The following SYT11 variants were observed in gnomAD, a reference collection of about 807,000 sequenced individuals.
The protein encoded by SYT11 is synaptotagmin-11.
A neutral mutation model predicts 30.4 loss-of-function variants in SYT11; 12 were observed. That is an observed-to-expected ratio of 0.39 (90% CI 0.25 to 0.64). SYT11 has a LOEUF of 0.64. Among genes scored for constraint, SYT11 ranks in the 30% least tolerant of loss-of-function variants. SYT11 has a pLI of 0.45. For synonymous variants in SYT11, 204 were observed against 216.0 expected, an observed-to-expected ratio of 0.94 and a Z score of 0.49; for missense variants, 412 against 552.0, an observed-to-expected ratio of 0.75 and a Z score of 2.54.
chr1:155,865,760 C>G (rs571745954), intron 1 of SYT11, among the ~76,000 whole-genome samples: 10 of 152,106 alleles, frequency 6.6e-5, no homozygotes, highest in East Asian at 5.8e-4. Context: ...TCACTGCAAC[C>G]TCCACCTCCT....
At chr1:155,867,375 T>A (rs1320697364) in intron 1 of SYT11, among the ~76,000 whole-genome samples, 1 of 152,128 alleles carries the variant, frequency 6.6e-6, no homozygotes, top group Non-Finnish European at 1.5e-5. Flanking sequence ...TTTATATACC[T>A]GGGAGCTAAA....
chr1:155,880,716 G>T, intron 3 of SYT11, 93 bp downstream of exon 3: 1 of 1,469,794 alleles, frequency 6.8e-7, no homozygotes, highest in East Asian at 2.3e-5. Context: ...CAAGATCCTT[G>T]CCTCTTTCAC....
chr1:155,879,823 G>A (rs1672932657), intron 2 of SYT11, among the ~76,000 whole-genome samples: 1 of 152,214 alleles, frequency 6.6e-6, no homozygotes, highest in African/African-American at 2.4e-5. Flanking sequence ...TATGTGGTAG[G>A]TACAACCTTT....
At chr1:155,867,173 T>C (rs1232117517) in intron 1 of SYT11, among the ~76,000 whole-genome samples, 1 of 151,998 alleles carries the variant, frequency 6.6e-6, no homozygotes, top group East Asian at 1.9e-4. Flanking sequence ...TTCTCCTGCA[T>C]CAGCCTCCCA....
In SYT11 at chr1:155,881,322, C is replaced by T. The variant is rs538608004; in HGVS notation, c.1110C>T (p.Asp370=). 8 of 1,614,096 alleles carry T rather than the reference C, an allele frequency of 5.0e-6. No homozygotes were observed. The Admixed American group carries it at 1.0e-4, about 20-fold the overall frequency. Residue 370 remains aspartate (D), a synonymous_variant, in exon 4 of 4, where the codon GAC becomes GAT. Coordinates refer to ENST00000368324, the MANE Select transcript of SYT11 (RefSeq NM_152280.5). ...CTTTCATCTACGACATCCCCACTGA[C>T]CTCCTGCCTGATATCAGCATCGAGT... The part of the protein sequence containing the change: ...NESFIYDIPT[D]LLPDISIEFL...
In SYT11 at chr1:155,860,325, A is replaced by G. The variant is rs1672536236; in HGVS notation, c.34+530A>G. 6.6e-6 allele frequency among the ~76,000 whole-genome samples: 1 copy of G among 151,986 alleles called. No individual in the cohort carries two copies. The highest frequency in any genetic ancestry group is 2.4e-5 in the African/African-American group (1 of 41,378). On this transcript the variant is annotated intron_variant, in intron 1 of 3. Transcript: ENST00000368324. This position sits in a 1 kb window ranked among gnomAD's most constrained non-coding sequence, Gnocchi z 4.1. ...GGGGAAAGAGGGGTGCGGGGTGGGGAGCAAAAAGGAAGCCACTCCTTAAGC... is the reference window on the plus strand; with the variant it reads ...GGGGAAAGAGGGGTGCGGGGTGGGGGGCAAAAAGGAAGCCACTCCTTAAGC...
chr1:155,866,116 CTTTTTTTTTT>C (rs11419325), intron 1 of SYT11, among the ~76,000 whole-genome samples: 2 of 123,278 alleles, frequency 1.6e-5, no homozygotes, highest in East Asian at 2.3e-4. Flanking sequence ...TTTTTTTTTT[CTTTTTTTTTT>C]TTTTGAGATG....
At position 155,862,654 on chromosome 1, in the gene SYT11, T is replaced by A. The variant is rs1295661533; in HGVS notation, c.34+2859T>A. On this transcript the variant is annotated intron_variant, in intron 1 of 3. Coordinates refer to ENST00000368324, the MANE Select transcript of SYT11 (RefSeq NM_152280.5). ...GTTGCCCCCCGCTCCTCCACCGCAC[T>A]GCTGCAGGGAATAAATCTATGATAG... 2.0e-5 allele frequency among the ~76,000 whole-genome samples: 3 copies of A among 152,222 alleles called. 1 individual carries two copies. The highest frequency in any genetic ancestry group is 4.1e-4 in the South Asian group (2 of 4,832).
At position 155,863,416 on chromosome 1, in the gene SYT11, G is replaced by T. The variant is rs2102553929; in HGVS notation, c.34+3621G>T. On this transcript the variant is annotated intron_variant, in intron 1 of 3. Transcript: ENST00000368324. The stretch of plus-strand genomic sequence containing the variant: ...TGCAGTGAGCTGTGATTGCACCACT[G>T]CACTCCAGCCTGGGCCACAGAGTGA... 2.0e-5 allele frequency among the ~76,000 whole-genome samples: 3 copies of T among 151,912 alleles called. No individual in the cohort carries two copies. In the South Asian group the frequency reaches 6.2e-4, roughly 32 times the overall value.
In SYT11 at chr1:155,868,653, G is replaced by A. The variant is rs755725852; in HGVS notation, c.723G>A (p.Val241=). Residue 241 remains valine, a synonymous_variant, in exon 2 of 4, where the codon GTG becomes GTA. Transcript: ENST00000368324. This position sits in a 1 kb window ranked among gnomAD's most constrained non-coding sequence, Gnocchi z 4.7. ...GIPYSQLQDL[V]LHFLVLSFDR... The stretch of plus-strand genomic sequence containing the variant: ...CCTACAGCCAGCTGCAGGACCTGGT[G>A]CTGCACTTCCTTGTCCTCAGCTTTG... 6.2e-7 allele frequency: 1 copy of A among 1,614,246 alleles called. No homozygotes were observed. The highest frequency in any genetic ancestry group is 1.7e-5 in the Admixed American group (1 of 60,022).
At chr1:155,871,053 A>G (rs1672774664) in intron 2 of SYT11, among the ~76,000 whole-genome samples, 2 of 152,184 alleles carry the variant, frequency 1.3e-5, no homozygotes, top group Admixed American at 6.5e-5. Flanking sequence ...ATCACTCTGA[A>G]AGAGGTTCTG....
intron 2 of SYT11, among the ~76,000 whole-genome samples, chr1:155,874,499 C>T (rs532925388): frequency 6.6e-6 from 1 of 151,530 alleles, no homozygotes; most frequent in East Asian, 1.9e-4. Flanking sequence ...ACTCAGGATG[C>T]TGAGTTGGGA....
intron 2 of SYT11, among the ~76,000 whole-genome samples, chr1:155,879,910 G>A (rs1188047604): frequency 6.6e-6 from 1 of 152,132 alleles, no homozygotes; most frequent in East Asian, 1.9e-4. Flanking sequence ...ATAAGAAATA[G>A]CAACTGGGCA....
At chr1:155,877,109 A>G (rs1404525971) in intron 2 of SYT11, among the ~76,000 whole-genome samples, 1 of 151,872 alleles carries the variant, frequency 6.6e-6, no homozygotes, top group African/African-American at 2.4e-5. Context: ...CTGGGACTAC[A>G]GGCACCCGCC....
intron 2 of SYT11, among the ~76,000 whole-genome samples, chr1:155,875,249 CAA>C (rs765396768): frequency 6.8e-5 from 6 of 88,392 alleles, no homozygotes; most frequent in Middle Eastern, 6.8e-3. Context: ...GACTTCATCT[CAA>C]AAAAAAAAAA....
intron 1 of SYT11, among the ~76,000 whole-genome samples, chr1:155,866,892 A>G (rs1330938127): frequency 6.6e-5 from 10 of 151,992 alleles, no homozygotes; most frequent in African/African-American, 2.4e-4. Flanking sequence ...TTAGAATAAT[A>G]TATGTATACA....
In SYT11 at chr1:155,868,759, C is replaced by G. The variant is rs1370958451; in HGVS notation, c.829C>G (p.Leu277Val). 20 of 1,613,808 alleles carry G rather than the reference C, an allele frequency of 1.2e-5. No homozygotes were observed. The East Asian group carries it at 2.9e-4, about 23-fold the overall frequency. ...GVDPSTGKVQ[L>V]TRDIIKRNIQ... ...GGACCCCAGCACAGGCAAGGTACAACTGACCAGGGACATCATCAAAAGGAA... is the reference window on the plus strand; with the variant it reads ...GGACCCCAGCACAGGCAAGGTACAAGTGACCAGGGACATCATCAAAAGGAA... The change falls in exon 2 of 4, where the codon CTG becomes GTG. Residue 277 changes from leucine to valine, a missense_variant. Physicochemically the swap from Leu to Val is conservative, Grantham distance 32. Coordinates refer to ENST00000368324, the MANE Select transcript of SYT11 (RefSeq NM_152280.5). The surrounding 1 kb of genome is among the most constrained non-coding windows in gnomAD (Gnocchi z 4.7).
chr1:155,880,717 C>T, intron 3 of SYT11, 94 bp downstream of exon 3: 1 of 1,455,490 alleles, frequency 6.9e-7, no homozygotes, highest in East Asian at 2.3e-5. Flanking sequence ...AAGATCCTTG[C>T]CTCTTTCACT....
chr1:155,880,753 C>A, intron 3 of SYT11, 130 bp downstream of exon 3: 2 of 1,125,898 alleles, frequency 1.8e-6, no homozygotes, highest in Non-Finnish European at 1.3e-6. Flanking sequence ...TTTCTGTAGA[C>A]ATTCTCTTCC....
Sources: allele counts gnomAD v4.1 joint callset (sites outside exome capture counted in the v4.1 genomes callset), GRCh38; gene constraint gnomAD v4.1.1; non-coding constraint Gnocchi (gnomAD v3.1); transcripts MANE v1.5; gene names NCBI Gene and HGNC (gene_info 2026-07-23, HGNC 2026-07-21).